The following AKAP13 variants were observed in gnomAD, a reference collection of about 807,000 sequenced individuals.
The protein encoded by AKAP13 is A-kinase anchoring protein 13.
Under a neutral mutation model 264.5 loss-of-function variants are expected in AKAP13, and 80 were observed. The ratio of observed to expected loss-of-function variants is 0.30; its 90% CI spans 0.25 to 0.36. The LOEUF (loss-of-function observed/expected upper bound fraction) is 0.36. Among genes scored for constraint, AKAP13 ranks in the 10% least tolerant of loss-of-function variants. The probability of loss-of-function intolerance (pLI) is 1.00; values close to 1 mark genes in which losing one functional copy is unlikely to be tolerated. For missense variants in AKAP13, 3,712 were observed against 3,435.2 expected (o/e 1.08, Z -2.01); for synonymous variants, 1,380 against 1,250.2 (o/e 1.10, Z -2.19).
At position 85,715,736 on chromosome 15, in the gene AKAP13, T is replaced by C. The variant is rs1597154613; in HGVS notation, c.5600-52T>C. The C allele has an allele frequency of 3.9e-6, 6 of 1,556,690 alleles. No homozygotes were observed. In the African/African-American group the frequency reaches 8.4e-5, roughly 22 times the overall value. ...GCTTGTTATTTGTCAGATGGGTCAG[T>C]ACCAGGTGGAGCTGGATGGGTGATG... On this transcript the variant is annotated intron_variant, in intron 19 of 36. Transcript: ENST00000394518.
At chr15:85,524,931 G>C (rs951817857) in intron 3 of AKAP13, among the ~76,000 whole-genome samples, 1 of 151,244 alleles carries the variant, frequency 6.6e-6, no homozygotes, top group Non-Finnish European at 1.5e-5. Context: ...AAGTTGTAAA[G>C]GCCTTTTAAA....
chr15:85,469,644 A>G (rs544160146), intron 1 of AKAP13, among the ~76,000 whole-genome samples: 1 of 152,330 alleles, frequency 6.6e-6, no homozygotes, highest in East Asian at 1.9e-4. Context: ...GCATGCATTA[A>G]ATAACTAACT....
chr15:85,504,343 A>C (rs1422010342), intron 2 of AKAP13, among the ~76,000 whole-genome samples: 3 of 151,820 alleles, frequency 2.0e-5, no homozygotes, highest in Non-Finnish European at 4.4e-5. Context: ...TTAGCTAATC[A>C]CTTCTAACTC....
chr15:85,429,586 T>C (rs973614300), intron 1 of AKAP13, among the ~76,000 whole-genome samples: 4 of 152,174 alleles, frequency 2.6e-5, no homozygotes, highest in Admixed American at 2.0e-4. Flanking sequence ...GTGCACATAA[T>C]TGGTGAGTAT....
intron 12 of AKAP13, among the ~76,000 whole-genome samples, chr15:85,660,734 C>T (rs1023573380): frequency 6.6e-6 from 1 of 152,148 alleles, no homozygotes. Flanking sequence ...TCCCACTTAC[C>T]AGACCAGCGA....
intron 10 of AKAP13, among the ~76,000 whole-genome samples, chr15:85,650,358 A>G (rs1006777236): frequency 2.6e-5 from 4 of 152,164 alleles, no homozygotes; most frequent in Non-Finnish European, 5.9e-5. Flanking sequence ...TTGAGCCTTG[A>G]AGTTCAAGGC....
At chr15:85,421,267 C>G (rs1471545950) in intron 1 of AKAP13, among the ~76,000 whole-genome samples, 1 of 152,134 alleles carries the variant, frequency 6.6e-6, no homozygotes, top group African/African-American at 2.4e-5. Flanking sequence ...GTGAGCAAGG[C>G]AAAAACTAAA....
intron 7 of AKAP13, 73 bp downstream of exon 7, chr15:85,582,180 A>G (rs1427762463): frequency 2.7e-6 from 4 of 1,462,150 alleles, no homozygotes; most frequent in East Asian, 2.3e-5. Flanking sequence ...GTGTCCTGGT[A>G]AAAATATAGG....
chr15:85,426,282 A>G (rs1353026299), intron 1 of AKAP13, among the ~76,000 whole-genome samples: 1 of 152,216 alleles, frequency 6.6e-6, no homozygotes, highest in Non-Finnish European at 1.5e-5. Context: ...CTAATTAGGA[A>G]AGTTGACAAA....
intron 8 of AKAP13, among the ~76,000 whole-genome samples, chr15:85,601,459 CT>C (rs374760785): frequency 1.1e-4 from 16 of 152,150 alleles, no homozygotes; most frequent in African/African-American, 3.9e-4. Context: ...TTCATATAGT[CT>C]GTTAAGTTAG....
At chr15:85,499,951 T>C (rs1430948955) in intron 2 of AKAP13, among the ~76,000 whole-genome samples, 1 of 152,246 alleles carries the variant, frequency 6.6e-6, no homozygotes, top group Non-Finnish European at 1.5e-5. Flanking sequence ...CAGTACTTTG[T>C]GCATCATAAT....
intron 1 of AKAP13, among the ~76,000 whole-genome samples, chr15:85,458,393 G>GTTTTTTTTTTTT (rs4037636): frequency 5.4e-4 from 65 of 120,630 alleles, no homozygotes; most frequent in African/African-American, 1.6e-3. Flanking sequence ...TTTGTTTTTT[G>GTTTTTTTTTTTT]TTTTTTTTTT....
chr15:85,554,609 A>G (rs763629399), intron 5 of AKAP13, among the ~76,000 whole-genome samples: 1 of 151,632 alleles, frequency 6.6e-6, no homozygotes, highest in African/African-American at 2.4e-5. Context: ...TAAGTCTAAT[A>G]CTCAGAAGTT....
intron 8 of AKAP13, among the ~76,000 whole-genome samples, chr15:85,603,264 A>C (rs1023037932): frequency 2.0e-5 from 3 of 152,188 alleles, no homozygotes; most frequent in Non-Finnish European, 4.4e-5. Context: ...TTTGCTTCCC[A>C]TTTTGTCACA....
chr15:85,720,813 T>A (rs1261491917), intron 23 of AKAP13, among the ~76,000 whole-genome samples: 1 of 152,230 alleles, frequency 6.6e-6, no homozygotes, highest in Non-Finnish European at 1.5e-5. Context: ...TTCAGGTATT[T>A]ACTGAGCATC....
At chr15:85,503,111 T>G (rs145571954) in intron 2 of AKAP13, among the ~76,000 whole-genome samples, 1 of 152,318 alleles carries the variant, frequency 6.6e-6, no homozygotes, top group Non-Finnish European at 1.5e-5. Flanking sequence ...GTACTTACTT[T>G]ATGTCGTGGT....
intron 1 of AKAP13, among the ~76,000 whole-genome samples, chr15:85,429,140 A>G (rs970884006): frequency 6.6e-6 from 1 of 152,216 alleles, no homozygotes; most frequent in African/African-American, 2.4e-5. Flanking sequence ...TCTCTTATTT[A>G]GAATGGCCTA....
intron 1 of AKAP13, among the ~76,000 whole-genome samples, chr15:85,425,108 G>T (rs1238683621): frequency 1.3e-5 from 2 of 152,178 alleles, no homozygotes; most frequent in Non-Finnish European, 2.9e-5. Context: ...TGACACAGAG[G>T]CATGAAGTGA....
intron 5 of AKAP13, among the ~76,000 whole-genome samples, chr15:85,557,721 C>G (rs557890102): frequency 6.6e-6 from 1 of 152,296 alleles, no homozygotes; most frequent in East Asian, 1.9e-4. Context: ...AGTGATTTGC[C>G]TGCCTCAGCC....
Sources: gnomAD v4.1 joint callset for allele counts (sites outside exome capture counted in the v4.1 genomes callset) on GRCh38, gnomAD v4.1.1 for gene constraint, MANE v1.5 for transcripts, NCBI Gene and HGNC (gene_info 2026-07-23, HGNC 2026-07-21) for gene names.